Variants in NCAM2 observed in about 807,000 individuals in gnomAD.
NCAM2 encodes the protein neural cell adhesion molecule 2.
NCAM2 carries 30 observed loss-of-function variants against 98.1 expected under a neutral mutation model. The ratio of observed to expected loss-of-function variants is 0.31; its 90% CI spans 0.23 to 0.41. The LOEUF is 0.41. Ranked by LOEUF, NCAM2 falls within the 10% of genes least tolerant of loss-of-function variation. The pLI, the probability that NCAM2 is intolerant of heterozygous loss-of-function variation, is 1.00. For synonymous variants in NCAM2, 368 were observed against 342.4 expected, an observed-to-expected ratio of 1.07 and a Z score of -0.83; for missense variants, 867 against 1,005.8, an observed-to-expected ratio of 0.86 and a Z score of 1.87.
intron 16 of NCAM2, among the ~76,000 whole-genome samples, chr21:21,515,886 G>C (rs1988682228): frequency 6.6e-6 from 1 of 151,970 alleles, no homozygotes; most frequent in African/African-American, 2.4e-5. Context: ...GGCAATTTTA[G>C]AGTTTTTGTA....
At chr21:21,029,977 A>G (rs1024202406) in intron 1 of NCAM2, among the ~76,000 whole-genome samples, 1 of 152,180 alleles carries the variant, frequency 6.6e-6, no homozygotes, top group Non-Finnish European at 1.5e-5. Context: ...AATCTGCAAT[A>G]AATTTCATGT....
chr21:21,295,949 T>C (rs534012697), intron 5 of NCAM2, among the ~76,000 whole-genome samples: 2 of 151,984 alleles, frequency 1.3e-5, no homozygotes, highest in South Asian at 4.1e-4. Flanking sequence ...CTGATGGTGA[T>C]CATTTATGAC....
chr21:21,171,206 A>G (rs897134426), intron 1 of NCAM2, among the ~76,000 whole-genome samples: 3 of 152,200 alleles, frequency 2.0e-5, no homozygotes, highest in African/African-American at 7.2e-5. Context: ...TATGACAAGG[A>G]CTTGTAGCAT....
intron 12 of NCAM2, among the ~76,000 whole-genome samples, chr21:21,454,021 T>C (rs987701116): frequency 1.3e-5 from 2 of 152,116 alleles, no homozygotes; most frequent in African/African-American, 2.4e-5. Flanking sequence ...TGATTTACCA[T>C]GCCTAGGATT....
intron 1 of NCAM2, among the ~76,000 whole-genome samples, chr21:21,272,984 T>TACAC (rs60333494): frequency 2.8e-5 from 4 of 143,152 alleles, no homozygotes; most frequent in African/African-American, 7.9e-5. Flanking sequence ...TTCACACACA[T>TACAC]ACACACACAC....
chr21:21,160,411 A>T (rs2067746980), intron 1 of NCAM2, among the ~76,000 whole-genome samples: 1 of 151,978 alleles, frequency 6.6e-6, no homozygotes, highest in Non-Finnish European at 1.5e-5. Flanking sequence ...ATTTCTAGTG[A>T]GTATTTGTGT....
At chr21:21,256,770 A>C (rs2147319463) in intron 1 of NCAM2, among the ~76,000 whole-genome samples, 1 of 152,340 alleles carries the variant, frequency 6.6e-6, no homozygotes, top group Admixed American at 6.5e-5. Context: ...TTCTAAGAGA[A>C]GTCGAGTCAT....
Position 21,384,450 on chromosome 21 carries a change from T to C in NCAM2, c.1195+10437T>C, listed in dbSNP as rs373917362. 3.1e-4 allele frequency among the ~76,000 whole-genome samples: 47 copies of C among 151,986 alleles called. No individual in the cohort carries two copies. The South Asian group carries it at 5.4e-3, about 17-fold the overall frequency. On this transcript the variant is annotated intron_variant, in intron 9 of 17. Coordinates refer to ENST00000400546, the MANE Select transcript of NCAM2 (RefSeq NM_004540.5). ...TAATCTAGATTCTTATAGTATTTCT[T>C]TACATACATTCCTGAAAATTTATTA...
intron 1 of NCAM2, among the ~76,000 whole-genome samples, chr21:21,230,345 C>T (rs950533554): frequency 4.0e-5 from 6 of 150,730 alleles, no homozygotes; most frequent in Admixed American, 2.7e-4. Context: ...AAGGTGATTT[C>T]GGATTTGTTT....
At chr21:21,439,558 C>A (rs769819415) in intron 12 of NCAM2, among the ~76,000 whole-genome samples, 2 of 151,340 alleles carry the variant, frequency 1.3e-5, no homozygotes, top group Non-Finnish European at 2.9e-5. Flanking sequence ...CCTTTTTTTC[C>A]TGATAGGGTT....
rs1473313704 is a variant in NCAM2 at position 21,411,065 on chromosome 21, TATATACACACAC to T, written c.1383+610_1383+621del. 3.3e-5 allele frequency among the ~76,000 whole-genome samples: 2 copies of T among 60,650 alleles called. 1 individual carries two copies. Among genetic ancestry groups the T allele is most frequent in the Admixed American group, 3.1e-4 (2 of 6,442 alleles). The allele number at this position is 60,650 out of a possible 152,430, so 39.8% of individuals were successfully genotyped here. ...ATATATATGTGTGTGTATATATATA[TATATACACACAC>T]ATATATATATGTGTGTATATATATA... On this transcript the variant is annotated intron_variant, in intron 10 of 17. Transcript: ENST00000400546.
intron 9 of NCAM2, among the ~76,000 whole-genome samples, chr21:21,377,974 T>C (rs1416650073): frequency 6.6e-6 from 1 of 152,034 alleles, no homozygotes. Flanking sequence ...TGAACACCAG[T>C]GTCCTCTAGA....
chr21:21,184,730 C>T (rs2068583875), intron 1 of NCAM2, among the ~76,000 whole-genome samples: 1 of 152,090 alleles, frequency 6.6e-6, no homozygotes, highest in Non-Finnish European at 1.5e-5. Context: ...TAGTAAATAC[C>T]TAGAGTATTA....
chr21:21,060,469 T>C (rs1246974604), intron 1 of NCAM2, among the ~76,000 whole-genome samples: 3 of 152,146 alleles, frequency 2.0e-5, no homozygotes, highest in Admixed American at 2.0e-4. Flanking sequence ...TTTAATTTTC[T>C]TTCCATATAT....
At chr21:21,352,953 A>G (rs62207728) in intron 8 of NCAM2, among the ~76,000 whole-genome samples, 39,644 of 151,780 alleles carry the variant, frequency 0.26, 5,649 homozygotes, top group Non-Finnish European at 0.32. Context: ...TTTCGGGTTC[A>G]AGCAATTTTC....
At chr21:21,247,098 T>C (rs1012571438) in intron 1 of NCAM2, among the ~76,000 whole-genome samples, 4 of 151,994 alleles carry the variant, frequency 2.6e-5, no homozygotes, top group Middle Eastern at 3.5e-3. Context: ...GGCGGGCGGA[T>C]CATGAGGTCA....
chr21:21,518,426 C>T (rs1988831462), intron 16 of NCAM2, among the ~76,000 whole-genome samples: 1 of 152,084 alleles, frequency 6.6e-6, no homozygotes. Flanking sequence ...AAATAAGAGA[C>T]ATGGTAAATA....
At chr21:21,452,312 T>C (rs1164758954) in intron 12 of NCAM2, among the ~76,000 whole-genome samples, 3 of 116,950 alleles carry the variant, frequency 2.6e-5, no homozygotes, top group African/African-American at 8.5e-5. Flanking sequence ...TTAATTGAAA[T>C]GATATATGTC....
intron 1 of NCAM2, among the ~76,000 whole-genome samples, chr21:21,071,549 C>T (rs966240408): frequency 1.1e-4 from 17 of 152,102 alleles, no homozygotes; most frequent in African/African-American, 4.1e-4. Flanking sequence ...AGTGAAGTTG[C>T]AGGCATTGCA....
Sources: gnomAD v4.1 joint callset for allele counts (sites outside exome capture counted in the v4.1 genomes callset) on GRCh38, gnomAD v4.1.1 for gene constraint, MANE v1.5 for transcripts, NCBI Gene and HGNC (gene_info 2026-07-23, HGNC 2026-07-21) for gene names.